Variants in PDZD2 observed in about 807,000 individuals in gnomAD.
PDZD2 encodes the protein PDZ domain-containing protein 2.
In PDZD2, 90 loss-of-function variants were observed where a neutral mutation model predicts 220.7. The ratio of observed to expected loss-of-function variants is 0.41; its 90% CI spans 0.34 to 0.49. PDZD2 has a LOEUF of 0.49. PDZD2 is among the 20% of genes least tolerant of loss of function. The pLI, the probability that PDZD2 is intolerant of heterozygous loss-of-function variation, is 0.28. For synonymous variants in PDZD2, 1,375 were observed against 1,450.5 expected (o/e 0.95, Z 1.18); for missense variants, 3,174 against 3,608.5 (o/e 0.88, Z 3.08).
intron 14 of PDZD2, among the ~76,000 whole-genome samples, chr5:32,068,138 C>A (rs1334639021): frequency 1.4e-5 from 2 of 138,634 alleles, no homozygotes; most frequent in Non-Finnish European, 3.1e-5. Context: ...TGTACTTTTT[C>A]TGCCAAAAAA....
intron 2 of PDZD2, chr5:31,935,976 A>T: frequency 2.4e-6 from 1 of 412,706 alleles, no homozygotes; most frequent in Non-Finnish European, 3.3e-6. Flanking sequence ...AGAACCGTTT[A>T]TAGCAGCCTG....
chr5:31,768,236 A>C (rs1486305114), intron 1 of PDZD2, among the ~76,000 whole-genome samples: 1 of 152,210 alleles, frequency 6.6e-6, no homozygotes, highest in Non-Finnish European at 1.5e-5. Flanking sequence ...AACTCCGTGA[A>C]AGGCAGGCGA....
intron 6 of PDZD2, among the ~76,000 whole-genome samples, chr5:32,012,841 TAA>T (rs1753436783): frequency 6.6e-6 from 1 of 151,724 alleles, no homozygotes. Context: ...TATTTTTATT[TAA>T]GTTATTATTT....
intron 2 of PDZD2, among the ~76,000 whole-genome samples, chr5:31,897,773 G>C (rs943517766): frequency 1.3e-5 from 2 of 149,910 alleles, no homozygotes; most frequent in Non-Finnish European, 3.0e-5. Flanking sequence ...GTCTGTCTCT[G>C]TTGTCCAGGC....
chr5:31,994,135 A>C (rs1038660630), intron 3 of PDZD2, among the ~76,000 whole-genome samples: 3 of 152,036 alleles, frequency 2.0e-5, no homozygotes, highest in Non-Finnish European at 4.4e-5. Context: ...CTCCTGCCTC[A>C]GCCTCCTGAG....
chr5:31,645,822 G>A (rs1003580245), intron 1 of PDZD2, among the ~76,000 whole-genome samples: 1 of 152,080 alleles, frequency 6.6e-6, no homozygotes, highest in East Asian at 1.9e-4. Context: ...GCAGGGGCAC[G>A]CTTTGTGCTG....
At chr5:31,763,036 A>AT (rs1029103030) in intron 1 of PDZD2, among the ~76,000 whole-genome samples, 3 of 152,262 alleles carry the variant, frequency 2.0e-5, no homozygotes, top group Non-Finnish European at 2.9e-5. Context: ...TAAGAATGTG[A>AT]TTTTTTAAAG....
intron 1 of PDZD2, among the ~76,000 whole-genome samples, chr5:31,770,331 A>G (rs563079290): frequency 2.0e-5 from 3 of 152,338 alleles, no homozygotes; most frequent in African/African-American, 7.2e-5. Context: ...CTGCCAGACA[A>G]CGGGAACTGA....
At chr5:31,725,947 G>C (rs187731569) in intron 1 of PDZD2, 1 of 638,080 alleles carries the variant, frequency 1.6e-6, no homozygotes, top group Non-Finnish European at 2.8e-6. Flanking sequence ...ACTCTCTGCC[G>C]CATGCGTAAC....
intron 2 of PDZD2, among the ~76,000 whole-genome samples, chr5:31,819,265 T>C (rs2150252538): frequency 6.6e-6 from 1 of 152,358 alleles, no homozygotes; most frequent in South Asian, 2.1e-4. Context: ...TCATTCTTTT[T>C]AACAGCTGTA....
rs35101679 is a variant in PDZD2, at chr5:31,803,101, A to ATT, written c.476+3388_476+3389dup. ...CAGAGCCTTTATTTTATTTTATTTTATTTTTTTTTTTTGCAGACAGCGTCT... is the reference window on the plus strand; with the variant it reads ...CAGAGCCTTTATTTTATTTTATTTTATTTTTTTTTTTTTTGCAGACAGCGTCT... On this transcript the variant is annotated intron_variant, in intron 2 of 24. Transcript: ENST00000438447. Among the ~76,000 whole-genome samples, 8 of 140,690 alleles carry ATT rather than the reference A, an allele frequency of 5.7e-5. No homozygotes were observed. In the East Asian group the frequency reaches 6.3e-4, roughly 11 times the overall value. 92.3% of individuals were successfully genotyped at this position (140,690 alleles called of 152,430 possible). A position where few individuals can be genotyped will look rare whatever the true frequency, so the allele number is the denominator to read the frequency against.
At chr5:31,950,336 G>C (rs1747073714) in intron 2 of PDZD2, among the ~76,000 whole-genome samples, 1 of 152,140 alleles carries the variant, frequency 6.6e-6, no homozygotes, top group South Asian at 2.1e-4. Context: ...GTTGTAGATT[G>C]CTGGAAAAAT....
chr5:31,690,209 T>C (rs973907148), intron 1 of PDZD2, among the ~76,000 whole-genome samples: 1 of 152,072 alleles, frequency 6.6e-6, no homozygotes, highest in Admixed American at 6.6e-5. Context: ...GAGGGTTGCA[T>C]TTCTTCTGGG....
intron 1 of PDZD2, among the ~76,000 whole-genome samples, chr5:31,658,618 T>C (rs528364856): frequency 6.6e-6 from 1 of 151,248 alleles, no homozygotes; most frequent in South Asian, 2.1e-4. Context: ...TGTGGGCTGT[T>C]TTCACTTTTT....
intron 2 of PDZD2, among the ~76,000 whole-genome samples, chr5:31,866,277 G>A (rs1445632262): frequency 6.6e-6 from 1 of 152,164 alleles, no homozygotes; most frequent in East Asian, 1.9e-4. Flanking sequence ...GGGATTACAG[G>A]CATGAGCCAC....
At chr5:31,769,306 G>A (rs145674658) in intron 1 of PDZD2, among the ~76,000 whole-genome samples, 2 of 152,324 alleles carry the variant, frequency 1.3e-5, no homozygotes, top group African/African-American at 4.8e-5. Context: ...AATTTGTCTG[G>A]TAAACATTTA....
At position 32,098,385 on chromosome 5, in the gene PDZD2, G is replaced by T. The variant is rs1362510371; in HGVS notation, c.7969G>T (p.Gly2657Trp). 12 of 1,614,066 alleles carry T rather than the reference G, an allele frequency of 7.4e-6. No individual in the cohort carries two copies. Among genetic ancestry groups the T allele is most frequent in the Non-Finnish European group, 1.0e-5 (12 of 1,179,998 alleles). The change falls in exon 23 of 25, where the codon GGG becomes TGG. Residue 2657 changes from glycine to tryptophan, a missense_variant. Gly to Trp is a radical substitution (Grantham distance 184). Coordinates refer to ENST00000438447, the MANE Select transcript of PDZD2 (RefSeq NM_178140.4). This position sits in a 1 kb window ranked among gnomAD's most constrained non-coding sequence, Gnocchi z 4.1. ...SITVHRVFSQ[G>W]AASQEGTMNR... ...CCAGGTCCACAGGGTGTTTTCTCAG[G>T]GGGCGGCTTCTCAGGAAGGGACTAT...
In PDZD2 at chr5:31,913,343, A is replaced by G. The variant is rs74521252; in HGVS notation, c.477-69812A>G. 9.6e-3 allele frequency among the ~76,000 whole-genome samples: 64 copies of G among 6,680 alleles called. 1 individual carries two copies. The highest frequency in any genetic ancestry group is 0.059 in the South Asian group (2 of 34). The allele number at this position is 6,680 out of a possible 152,430, so 4.4% of individuals were successfully genotyped here. A position where few individuals can be genotyped will look rare whatever the true frequency, so the allele number is the denominator to read the frequency against. On this transcript the variant is annotated intron_variant, in intron 2 of 24. Transcript: ENST00000438447. ...ACGACAGAGTGAAACTTCCTTGGGG[A>G]AAAAAAAAAAAAGAATAGTATCAAA...
chr5:31,965,023 G>C (rs1430639898), intron 2 of PDZD2, among the ~76,000 whole-genome samples: 4 of 152,138 alleles, frequency 2.6e-5, no homozygotes, highest in Non-Finnish European at 5.9e-5. Context: ...CGCCCGGCCA[G>C]TTTTTTTGCC....
Sources: gnomAD v4.1 joint callset for allele counts (sites outside exome capture counted in the v4.1 genomes callset) on GRCh38, gnomAD v4.1.1 for gene constraint, Gnocchi (gnomAD v3.1) non-coding constraint, MANE v1.5 for transcripts, NCBI Gene and HGNC (gene_info 2026-07-23, HGNC 2026-07-21) for gene names.